GMDS: variants seen among roughly 807,000 people sequenced by gnomAD.
GMDS encodes GDP-mannose 4,6-dehydratase.
Under a neutral mutation model 49.9 loss-of-function variants are expected in GMDS, and 20 were observed. The observed-to-expected ratio is 0.40, with a 90% CI of 0.28 to 0.58. The LOEUF (loss-of-function observed/expected upper bound fraction) is 0.58, where lower values mean the gene tolerates loss of function less well. GMDS is among the 20% of genes least tolerant of loss of function. The pLI is 0.42. For synonymous variants in GMDS, 177 were observed against 178.6 expected (o/e 0.99, Z 0.07); for missense variants, 362 against 481.4 (o/e 0.75, Z 2.32).
chr6:1,688,690 T>A (rs1724616845), intron 9 of GMDS, among the ~76,000 whole-genome samples: 1 of 152,238 alleles, frequency 6.6e-6, no homozygotes, highest in Non-Finnish European at 1.5e-5. Flanking sequence ...GTTAAACGTA[T>A]TTCTGTAATG....
chr6:1,977,824 C>T (rs1764994764), intron 4 of GMDS, among the ~76,000 whole-genome samples: 1 of 152,170 alleles, frequency 6.6e-6, no homozygotes, highest in African/African-American at 2.4e-5. Flanking sequence ...TGTGTGGAGT[C>T]TTGGCAGAAC....
intron 7 of GMDS, among the ~76,000 whole-genome samples, chr6:1,924,345 T>A (rs766399473): frequency 1.3e-5 from 2 of 152,204 alleles, no homozygotes; most frequent in Non-Finnish European, 1.5e-5. Context: ...TCCTCTGGGT[T>A]ACCAGTAGGA....
chr6:1,745,534 C>A (rs1336507863), intron 7 of GMDS, among the ~76,000 whole-genome samples: 1 of 152,100 alleles, frequency 6.6e-6, no homozygotes, highest in African/African-American at 2.4e-5. Context: ...CGGCCCGGGT[C>A]CCCTGGTGCT....
At chr6:1,966,906 A>G (rs1581434540) in intron 4 of GMDS, among the ~76,000 whole-genome samples, 1 of 152,200 alleles carries the variant, frequency 6.6e-6, no homozygotes, top group East Asian at 1.9e-4. Flanking sequence ...TTAGTCTGGC[A>G]TCACCTTTCA....
intron 1 of GMDS, among the ~76,000 whole-genome samples, chr6:2,212,387 T>G (rs1324665066): frequency 6.6e-6 from 1 of 152,136 alleles, no homozygotes; most frequent in African/African-American, 2.4e-5. Flanking sequence ...CAGCGAGCAT[T>G]GCAGGACCAA....
At chr6:1,954,439 G>C (rs1281413715) in intron 6 of GMDS, among the ~76,000 whole-genome samples, 1 of 152,266 alleles carries the variant, frequency 6.6e-6, no homozygotes, top group Non-Finnish European at 1.5e-5. Flanking sequence ...TTTCAGGAAA[G>C]ATTTCTCTGT....
intron 1 of GMDS, among the ~76,000 whole-genome samples, chr6:2,188,905 A>G (rs916963577): frequency 7.2e-5 from 11 of 152,212 alleles, no homozygotes; most frequent in African/African-American, 2.7e-4. Context: ...GTAAGGTAAG[A>G]GAACACTCAA....
intron 1 of GMDS, among the ~76,000 whole-genome samples, chr6:2,199,404 C>T (rs575077200): frequency 1.3e-5 from 2 of 152,320 alleles, no homozygotes; most frequent in East Asian, 3.9e-4. Context: ...ATTCCATTGG[C>T]TTCCCATTTC....
chr6:2,049,887 A>G (rs1400903501), intron 4 of GMDS, among the ~76,000 whole-genome samples: 4 of 152,250 alleles, frequency 2.6e-5, no homozygotes, highest in African/African-American at 9.6e-5. Flanking sequence ...CAGTGTGTAG[A>G]GGGAAATTTA....
chr6:1,725,275 T>C (rs1056548447), intron 9 of GMDS, among the ~76,000 whole-genome samples: 1 of 152,208 alleles, frequency 6.6e-6, no homozygotes, highest in Non-Finnish European at 1.5e-5. Context: ...ATTAAAGCAA[T>C]AACAGCAAGC....
intron 1 of GMDS, among the ~76,000 whole-genome samples, chr6:2,133,588 AACTC>A: frequency 6.6e-6 from 1 of 152,338 alleles, no homozygotes; most frequent in African/African-American, 2.4e-5. Flanking sequence ...GTCACTTGTC[AACTC>A]TCTGATGCAT....
chr6:1,879,055 G>A (rs757440846), intron 7 of GMDS, among the ~76,000 whole-genome samples: 19 of 152,166 alleles, frequency 1.2e-4, no homozygotes, highest in Non-Finnish European at 2.4e-4. Context: ...TTCACCTAAT[G>A]GCTGGTATTT....
intron 7 of GMDS, among the ~76,000 whole-genome samples, chr6:1,814,176 G>A (rs143605497): frequency 6.6e-6 from 1 of 152,328 alleles, no homozygotes; most frequent in East Asian, 1.9e-4. Context: ...TAAATGCAAT[G>A]TGGCTACAAG....
At chr6:2,229,906 A>C (rs1780999464) in intron 1 of GMDS, among the ~76,000 whole-genome samples, 1 of 152,210 alleles carries the variant, frequency 6.6e-6, no homozygotes. Flanking sequence ...TCGAAGGCTT[A>C]TTCCTGCCTA....
chr6:2,054,613 A>G (rs668674), intron 4 of GMDS, among the ~76,000 whole-genome samples: 50,353 of 151,898 alleles, frequency 0.33, 8,517 homozygotes, highest in East Asian at 0.48. Context: ...CGATGCATAA[A>G]TTCTGTGTAT....
chr6:1,960,276 G>GA (rs529666847), intron 5 of GMDS, among the ~76,000 whole-genome samples: 143 of 151,834 alleles, frequency 9.4e-4, no homozygotes, highest in African/African-American at 3.4e-3. Flanking sequence ...AATTAGAATG[G>GA]AAAAAAATGA....
At position 1,991,083 on chromosome 6, in the gene GMDS, T is replaced by C. The variant is rs532606885; in HGVS notation, c.346-30117A>G. On this transcript the variant is annotated intron_variant, in intron 4 of 10. Coordinates refer to ENST00000380815, the MANE Select transcript of GMDS (RefSeq NM_001500.4). Reference sequence around the variant, plus strand: ...CTCTCAATGTTCCTACCCCTTCCTATTCCTCTTATTCTCCAGCAGACTATC... The same window carrying C: ...CTCTCAATGTTCCTACCCCTTCCTACTCCTCTTATTCTCCAGCAGACTATC... 2.4e-4 allele frequency among the ~76,000 whole-genome samples: 37 copies of C among 152,208 alleles called. 1 individual carries two copies. Among genetic ancestry groups the C allele is most frequent in the Non-Finnish European group, 1.2e-4 (8 of 67,992 alleles).
intron 4 of GMDS, among the ~76,000 whole-genome samples, chr6:2,019,392 C>T (rs78937453): frequency 0.011 from 1,698 of 152,100 alleles, 34 homozygotes; most frequent in African/African-American, 0.039. Context: ...TCTTAGAGGG[C>T]AAGCATCCTA....
chr6:1,832,077 T>C (rs1053639388), intron 7 of GMDS, among the ~76,000 whole-genome samples: 1 of 151,878 alleles, frequency 6.6e-6, no homozygotes, highest in African/African-American at 2.4e-5. Context: ...AAAATCTCTT[T>C]AGAACAGTGG....
Sources: gnomAD v4.1 joint callset for allele counts (sites outside exome capture counted in the v4.1 genomes callset) on GRCh38, gnomAD v4.1.1 for gene constraint, MANE v1.5 for transcripts, NCBI Gene and HGNC (gene_info 2026-07-23, HGNC 2026-07-21) for gene names.